The following ST3GAL3 variants were observed in gnomAD, a reference collection of about 807,000 sequenced individuals.
The protein encoded by ST3GAL3 is CMP-N-acetylneuraminate-beta-1,4-galactoside alpha-2,3-sialyltransferase.
In ST3GAL3, 21 loss-of-function variants were observed where a neutral mutation model predicts 50.1. The ratio of observed to expected loss-of-function variants is 0.42; its 90% CI spans 0.30 to 0.60. ST3GAL3 has a LOEUF of 0.60. Ranked by LOEUF, ST3GAL3 falls within the 20% of genes least tolerant of loss-of-function variation. The pLI is 0.19. For missense variants in ST3GAL3, 353 were observed against 489.4 expected, an observed-to-expected ratio of 0.72 and a Z score of 2.63; for synonymous variants, 183 against 190.0, an observed-to-expected ratio of 0.96 and a Z score of 0.30.
intron 5 of ST3GAL3, chr1:43,840,755 A>G (rs2065241356): frequency 6.6e-6 from 1 of 152,204 alleles, no homozygotes; most frequent in Non-Finnish European, 1.5e-5. Flanking sequence ...GCCGACGCTT[A>G]GGAAAAATAG....
At chr1:43,864,716 A>G (rs1012260415) in intron 5 of ST3GAL3, among the ~76,000 whole-genome samples, 2 of 152,164 alleles carry the variant, frequency 1.3e-5, no homozygotes, top group African/African-American at 4.8e-5. Context: ...GCTTGGGAAG[A>G]GGTGATAAGG....
intron 4 of ST3GAL3, among the ~76,000 whole-genome samples, chr1:43,824,038 T>A (rs556281765): frequency 1.2e-4 from 18 of 152,370 alleles, no homozygotes; most frequent in African/African-American, 4.1e-4. Context: ...ACTAGGAATG[T>A]TCTGCTCACA....
intron 4 of ST3GAL3, among the ~76,000 whole-genome samples, chr1:43,833,716 G>A (rs1439082273): frequency 6.6e-6 from 1 of 152,152 alleles, no homozygotes; most frequent in East Asian, 1.9e-4. Context: ...GGCAGAAAGG[G>A]GAAGGCGGTA....
intron 9 of ST3GAL3, chr1:43,916,545 A>G (rs879685542): frequency 9.8e-5 from 15 of 152,314 alleles, no homozygotes; most frequent in Admixed American, 9.8e-4. Flanking sequence ...ATATCCAACA[A>G]CAGTGTTGGT....
At position 43,737,285 on chromosome 1, in the gene ST3GAL3, G is replaced by C. The variant is rs746814807; in HGVS notation, c.118+905G>C. 2 of 152,136 alleles carry C rather than the reference G, an allele frequency of 1.3e-5. No homozygotes were observed. The highest frequency in any genetic ancestry group is 4.8e-5 in the African/African-American group (2 of 41,414). The allele number at this position is 152,136 out of a possible 1,614,324, so 9.4% of individuals were successfully genotyped here. On this transcript the variant is annotated intron_variant, in intron 2 of 11. Coordinates refer to ENST00000347631, the MANE Select transcript of ST3GAL3 (RefSeq NM_006279.5). The surrounding 1 kb of genome is among the most constrained non-coding windows in gnomAD (Gnocchi z 4.0). ...CTAACATCTACCAGATACCAGTATA[G>C]AACTCACTTGAGAAGAGAGTCAGTC...
chr1:43,739,305 T>G (rs769978733), intron 2 of ST3GAL3: 2 of 151,414 alleles, frequency 1.3e-5, no homozygotes, highest in Non-Finnish European at 2.9e-5. Context: ...TCACCGCAGC[T>G]TCAACCTCCT....
In ST3GAL3 at chr1:43,894,143, ACT is replaced by A. The variant is rs2154266811; in HGVS notation, c.303-238_303-237del. ...CTTGCTGAACAAATCTTGTCTCTCC[ACT>A]CCTACAGCTAGCCAAATAAAGACTG... is the stretch of plus-strand genomic sequence containing the variant. On this transcript the variant is annotated intron_variant, in intron 5 of 11. Coordinates refer to ENST00000347631, the MANE Select transcript of ST3GAL3 (RefSeq NM_006279.5). 5 of 538,774 alleles carry A rather than the reference ACT, an allele frequency of 9.3e-6. No homozygotes were observed. The South Asian group carries it at 9.8e-5, about 11-fold the overall frequency. 33.4% of individuals were successfully genotyped at this position (538,774 alleles called of 1,614,324 possible).
At chr1:43,840,431 A>G (rs2065185899) in intron 5 of ST3GAL3, 1 of 152,110 alleles carries the variant, frequency 6.6e-6, no homozygotes, top group Non-Finnish European at 1.5e-5. Context: ...ATTTCAACAT[A>G]CAGTCATCCC....
At chr1:43,841,478 T>C (rs2065365095) in intron 5 of ST3GAL3, 1 of 152,252 alleles carries the variant, frequency 6.6e-6, no homozygotes, top group Admixed American at 6.5e-5. Flanking sequence ...TGTCAAAGTT[T>C]ACAGCTTGCA....
At chr1:43,849,235 G>A (rs60113917) in intron 5 of ST3GAL3, among the ~76,000 whole-genome samples, 5,021 of 147,344 alleles carry the variant, frequency 0.034, 309 homozygotes, top group African/African-American at 0.12. Flanking sequence ...GAGATCTAGG[G>A]TTCTTTTTTT....
At chr1:43,747,400 A>C (rs1684201177) in intron 2 of ST3GAL3, among the ~76,000 whole-genome samples, 1 of 151,780 alleles carries the variant, frequency 6.6e-6, no homozygotes, top group African/African-American at 2.4e-5. Flanking sequence ...TGACAGAGTG[A>C]GACTCCATCT....
intron 1 of ST3GAL3, among the ~76,000 whole-genome samples, chr1:43,711,217 G>A (rs532381205): frequency 1.3e-5 from 2 of 152,204 alleles, no homozygotes; most frequent in Non-Finnish European, 2.9e-5. Flanking sequence ...GACGTGTCCA[G>A]CATGAGTGTA....
At chr1:43,858,731 G>T (rs759361883) in intron 5 of ST3GAL3, among the ~76,000 whole-genome samples, 1 of 152,166 alleles carries the variant, frequency 6.6e-6, no homozygotes, top group Non-Finnish European at 1.5e-5. Flanking sequence ...CAAGATGCTG[G>T]CACCTTCAGG....
intron 5 of ST3GAL3, among the ~76,000 whole-genome samples, chr1:43,889,116 G>T (rs1023779265): frequency 6.0e-5 from 9 of 151,172 alleles, no homozygotes; most frequent in African/African-American, 2.2e-4. Flanking sequence ...TGCTCACCAG[G>T]ATATATTGTT....
chr1:43,707,741 T>C (rs1284278026), intron 1 of ST3GAL3, 48 bp downstream of exon 1: 1 of 151,718 alleles, frequency 6.6e-6, no homozygotes, highest in Non-Finnish European at 1.5e-5. Flanking sequence ...TGACCGCGAA[T>C]AACGGTCGCC....
chr1:43,722,322 A>G (rs1451685168), intron 1 of ST3GAL3, among the ~76,000 whole-genome samples: 1 of 152,208 alleles, frequency 6.6e-6, no homozygotes, highest in Non-Finnish European at 1.5e-5. Flanking sequence ...ATAAGTTGAA[A>G]ACACTGAGAG....
intron 1 of ST3GAL3, among the ~76,000 whole-genome samples, chr1:43,732,297 G>A (rs1005868088): frequency 1.3e-5 from 2 of 152,204 alleles, no homozygotes; most frequent in Non-Finnish European, 2.9e-5. Flanking sequence ...AAAAGACACT[G>A]CCAGGAGATC....
rs112972473 is a variant in ST3GAL3 at position 43,778,574 on chromosome 1, A to G, written c.119-13528A>G. 5.3e-3 allele frequency among the ~76,000 whole-genome samples: 805 copies of G among 152,124 alleles called. 16 individuals carry two copies. Among genetic ancestry groups the G allele is most frequent in the African/African-American group, 0.018 (748 of 41,518 alleles). Reference sequence around the variant, plus strand: ...ACAAAGAAAACAATTACAAAATAATATGAGTATTTAGTAAGATATTCAATA... The same window carrying G: ...ACAAAGAAAACAATTACAAAATAATGTGAGTATTTAGTAAGATATTCAATA... On this transcript the variant is annotated intron_variant, in intron 2 of 11. Transcript: ENST00000347631.
intron 1 of ST3GAL3, among the ~76,000 whole-genome samples, chr1:43,733,809 A>C (rs1304563342): frequency 6.6e-6 from 1 of 152,236 alleles, no homozygotes; most frequent in Admixed American, 6.5e-5. Context: ...TTTCAAATTG[A>C]ATCTTCTCAC....
Sources: gnomAD v4.1 joint callset for allele counts (sites outside exome capture counted in the v4.1 genomes callset) on GRCh38, gnomAD v4.1.1 for gene constraint, Gnocchi (gnomAD v3.1) non-coding constraint, MANE v1.5 for transcripts, NCBI Gene and HGNC (gene_info 2026-07-23, HGNC 2026-07-21) for gene names.